The following CEP95 variants were observed in gnomAD, a reference collection of about 807,000 sequenced individuals.
CEP95 encodes the protein centrosomal protein 95, also known as centrosomal protein of 95 kDa.
CEP95 carries 98 observed loss-of-function variants against 111.2 expected under a neutral mutation model. That is an observed-to-expected ratio of 0.88 (90% CI 0.75 to 1.04). CEP95 has a LOEUF of 1.04. Among genes scored for constraint, CEP95 ranks in the 50% least tolerant of loss-of-function variants. CEP95 has a pLI of 0.00. For missense variants in CEP95, 1,027 were observed against 977.2 expected, an observed-to-expected ratio of 1.05 and a Z score of -0.68; for synonymous variants, 323 against 327.1, an observed-to-expected ratio of 0.99 and a Z score of 0.14.
chr17:64,506,904 G>GA, upstream of CEP95: 1 of 682,560 alleles, frequency 1.5e-6, no homozygotes, highest in Non-Finnish European at 2.7e-6. Context: ...CACGTCCTGT[G>GA]AAAGGAAGTG....
Position 64,534,671 on chromosome 17 carries a change from A to C in CEP95, c.2004A>C (p.Lys668Asn). The change falls in exon 17 of 20, where the codon AAA becomes AAC. Residue 668 changes from lysine to asparagine, a missense_variant. Transcript: ENST00000556440. Reference sequence around the variant, plus strand: ...GACAGCAAATCGTTCGTGCTCGAAAATATTATGATGATTATAGAGTTCAGT... The same window carrying C: ...GACAGCAAATCGTTCGTGCTCGAAACTATTATGATGATTATAGAGTTCAGT... ...ENRQQIVRAR[K>N]YYDDYRVQLC... The C allele has an allele frequency of 6.2e-7, 1 of 1,613,722 alleles. No homozygotes were observed. Among genetic ancestry groups the C allele is most frequent in the Non-Finnish European group, 8.5e-7 (1 of 1,179,724 alleles).
At position 64,530,971 on chromosome 17, in the gene CEP95, C is replaced by G. The variant is rs868961119; in HGVS notation, c.1492C>G (p.Gln498Glu). 1.9e-6 allele frequency: 3 copies of G among 1,560,960 alleles called. No individual in the cohort carries two copies. The South Asian group carries it at 3.6e-5, about 19-fold the overall frequency. The change falls in exon 13 of 20, where the codon CAA (glutamine) becomes GAA (glutamate). Residue 498 changes from glutamine to glutamate, a missense_variant. Gln to Glu is a conservative substitution (Grantham distance 29, BLOSUM62 2). Coordinates refer to ENST00000556440, the MANE Select transcript of CEP95 (RefSeq NM_138363.3). ...AAGGGAACTAAGAAGACATAAAGTT[C>G]AAGAGAATATTGGACCTCTAAGAAT... ...FERELRRHKV[Q>E]ENIGPLRIHE...
At chr17:64,520,418 C>T (rs373812575) in intron 6 of CEP95, 5 of 151,098 alleles carry the variant, frequency 3.3e-5, no homozygotes, top group African/African-American at 1.2e-4. Flanking sequence ...CATATACATT[C>T]ACAGGCATCT....
chr17:64,526,873 T>C (rs2144488999), intron 10 of CEP95, among the ~76,000 whole-genome samples: 1 of 152,284 alleles, frequency 6.6e-6, no homozygotes, highest in East Asian at 1.9e-4. Flanking sequence ...GATGGGAGGA[T>C]CACTGGAACC....
chr17:64,522,717 T>A lies in CEP95; in HGVS notation c.731T>A (p.Val244Glu). The change falls in exon 8 of 20, where the codon GTG (valine) becomes GAG (glutamate). Residue 244 changes from valine to glutamate, a missense_variant. Physicochemically the swap from Val to Glu is moderately radical, Grantham distance 121. Coordinates refer to ENST00000556440, the MANE Select transcript of CEP95 (RefSeq NM_138363.3). ...GTCTTACTAGCGGAAACCCTTTCTG[T>A]GAGTGGGATTCCAAATGCTAGGAAG... ...SFVEDTETLS[V>E]SGIPNARKLG... The A allele has an allele frequency of 2.5e-6, 4 of 1,612,716 alleles. No individual in the cohort carries two copies. Among genetic ancestry groups the A allele is most frequent in the Non-Finnish European group, 3.4e-6 (4 of 1,179,330 alleles).
At chr17:64,536,806 G>A in intron 18 of CEP95, 58 bp downstream of exon 18, 1 of 1,539,558 alleles carries the variant, frequency 6.5e-7, no homozygotes, top group Admixed American at 2.2e-5. Context: ...TTGCCCTTGT[G>A]GCAAAACTTG....
At chr17:64,508,316 A>C in intron 1 of CEP95, 1 of 996,928 alleles carries the variant, frequency 1.0e-6, no homozygotes, top group Non-Finnish European at 1.2e-6. Context: ...TAAGTAACTT[A>C]AGATTTTAGG....
intron 3 of CEP95, among the ~76,000 whole-genome samples, chr17:64,513,154 G>GA (rs1176372972): frequency 6.6e-6 from 1 of 152,112 alleles, no homozygotes; most frequent in African/African-American, 2.4e-5. Flanking sequence ...TGTTTTAAAC[G>GA]AAAAAACTCA....
intron 4 of CEP95, among the ~76,000 whole-genome samples, chr17:64,515,558 G>T (rs1377281973): frequency 6.6e-6 from 1 of 152,152 alleles, no homozygotes; most frequent in African/African-American, 2.4e-5. Context: ...GCAACTGAGA[G>T]ATACTTTTAT....
intron 17 of CEP95, 81 bp downstream of exon 17, chr17:64,534,818 C>A (rs1555681245): frequency 6.6e-7 from 1 of 1,507,140 alleles, no homozygotes; most frequent in Admixed American, 2.0e-5. Context: ...GTTCGTGACT[C>A]TTGTCCAAAT....
chr17:64,507,114 C>G lies in CEP95; in HGVS notation c.17C>G (p.Ala6Gly), dbSNP rs1188669768. Reference sequence around the variant, plus strand: ...CTCTGAAACATGGCAGGCTCGGATGCTGGTGAGTGTCTCCCTGGGGTCCCA... The same window carrying G: ...CTCTGAAACATGGCAGGCTCGGATGGTGGTGAGTGTCTCCCTGGGGTCCCA... Reference protein sequence around the residue: MAGSDAEWVTIANNLL... With the variant: MAGSDGEWVTIANNLL... Residue 6 changes from alanine to glycine, a missense_variant and splice_region_variant, in exon 1 of 20, where the codon GCT (alanine) becomes GGT (glycine). Transcript: ENST00000556440. 3 of 1,551,452 alleles carry G rather than the reference C, an allele frequency of 1.9e-6. No homozygotes were observed. The highest frequency in any genetic ancestry group is 1.7e-4 in the Middle Eastern group (1 of 5,958).
In CEP95 at chr17:64,507,025, G is replaced by A. The variant is rs782409945; in HGVS notation, c.-73G>A. 5.2e-6 allele frequency: 8 copies of A among 1,536,990 alleles called. No homozygotes were observed. Among genetic ancestry groups the A allele is most frequent in the Non-Finnish European group, 5.3e-6 (6 of 1,134,774 alleles). ...GTCCGCGCCCCAGTGTCGGGTCTGC[G>A]TGGATCGGTCCTTCCAGGACACCGT... On this transcript the variant is annotated 5_prime_UTR_variant, in exon 1 of 20. It adds an upstream start codon to the 5' untranslated region. Coordinates refer to ENST00000556440, the MANE Select transcript of CEP95 (RefSeq NM_138363.3).
At chr17:64,508,796 T>C in intron 2 of CEP95, 76 bp downstream of exon 2, 1 of 613,476 alleles carries the variant, frequency 1.6e-6, no homozygotes, top group Non-Finnish European at 2.4e-6. Context: ...TTAGATTCTT[T>C]GATATTTATA....
rs1330609715 is a variant in CEP95, at chr17:64,537,933, A to ATTGT, written c.*157_*160dup. 9 of 446,098 alleles carry ATTGT rather than the reference A, an allele frequency of 2.0e-5. No individual in the cohort carries two copies. The highest frequency in any genetic ancestry group is 3.5e-5 in the East Asian group (1 of 28,658). 27.6% of individuals were successfully genotyped at this position (446,098 alleles called of 1,614,324 possible). ...ACTTTTTATGATTTTTTAAATAAAA[A>ATTGT]TTGTTTTCTAAAAGCTTATTGCTTT... is the stretch of plus-strand genomic sequence containing the variant. On this transcript the variant is annotated 3_prime_UTR_variant, in exon 20 of 20. Transcript: ENST00000556440.
At chr17:64,520,929 T>A (rs1448759085) in intron 6 of CEP95, among the ~76,000 whole-genome samples, 1 of 152,204 alleles carries the variant, frequency 6.6e-6, no homozygotes, top group Non-Finnish European at 1.5e-5. Context: ...GGCATCTTAC[T>A]TTCTGATAGC....
rs1157478609 is a variant in CEP95 at position 64,510,275 on chromosome 17, T to C, written c.251T>C (p.Ile84Thr). Residue 84 changes from isoleucine (I) to threonine (T), a missense_variant, in exon 3 of 20, where the codon ATA becomes ACA. By Grantham distance (89) the Ile-to-Thr change is moderately conservative. Coordinates refer to ENST00000556440, the MANE Select transcript of CEP95 (RefSeq NM_138363.3). ...LDYLQVSLSH[I>T]TGENIVKGDK... Reference sequence around the variant, plus strand: ...TACTTGCAGGTCAGCTTGTCTCACATAACAGGTTGGTATATGTATAACTAT... The same window carrying C: ...TACTTGCAGGTCAGCTTGTCTCACACAACAGGTTGGTATATGTATAACTAT... 4.4e-6 allele frequency: 7 copies of C among 1,578,312 alleles called. No homozygotes were observed. The highest frequency in any genetic ancestry group is 6.1e-6 in the Non-Finnish European group (7 of 1,149,784).
At chr17:64,531,740 C>T (rs1322083557) in intron 13 of CEP95, 150 bp from the exon 14 acceptor site, 2 of 516,956 alleles carry the variant, frequency 3.9e-6, no homozygotes, top group Admixed American at 7.7e-5. Context: ...CCAGATTTTA[C>T]AAATTTGAAG....
At chr17:64,511,126 A>G (rs1309026091) in intron 3 of CEP95, among the ~76,000 whole-genome samples, 1 of 152,172 alleles carries the variant, frequency 6.6e-6, no homozygotes, top group Non-Finnish European at 1.5e-5. Context: ...TCACAAGGCA[A>G]ATGGAGGCAG....
chr17:64,522,637 A>G, intron 7 of CEP95, 65 bp from the exon 8 acceptor site: 3 of 1,020,202 alleles, frequency 2.9e-6, no homozygotes, highest in Non-Finnish European at 4.5e-6. Context: ...GTATGTATGT[A>G]TGTATATAAA....
Sources: gnomAD v4.1 joint callset for allele counts (sites outside exome capture counted in the v4.1 genomes callset) on GRCh38, gnomAD v4.1.1 for gene constraint, MANE v1.5 for transcripts, NCBI Gene and HGNC (gene_info 2026-07-23, HGNC 2026-07-21) for gene names.